Variants in PTPRG observed in about 807,000 individuals in gnomAD.
The protein encoded by PTPRG is receptor-type tyrosine-protein phosphatase gamma.
In PTPRG, 102 loss-of-function variants were observed where a neutral mutation model predicts 165.3. The ratio of observed to expected loss-of-function variants is 0.62; its 90% confidence interval spans 0.53 to 0.73. The LOEUF (loss-of-function observed/expected upper bound fraction) is 0.73, where lower values mean the gene tolerates loss of function less well. Among genes scored for constraint, PTPRG ranks in the 30% least tolerant of loss-of-function variants. PTPRG has a pLI of 0.00. For missense variants in PTPRG, 1,866 were observed against 1,861.4 expected, an observed-to-expected ratio of 1.00 and a Z score of -0.05; for synonymous variants, 675 against 669.5, an observed-to-expected ratio of 1.01 and a Z score of -0.13.
rs562925200 is a variant in PTPRG at position 62,147,206 on chromosome 3, C to T, written c.683-9861C>T. Among the ~76,000 whole-genome samples, 12 of 152,224 alleles carry T rather than the reference C, an allele frequency of 7.9e-5. No individual in the cohort carries two copies. In the East Asian group the frequency reaches 1.9e-3, roughly 24 times the overall value. Reference sequence around the variant, plus strand: ...CCAGTTTCTGAACCGTAAGTGTGAACTGGGAAAAGGAGGCAAACTGAAGCA... The same window carrying T: ...CCAGTTTCTGAACCGTAAGTGTGAATTGGGAAAAGGAGGCAAACTGAAGCA... On this transcript the variant is annotated intron_variant, in intron 6 of 29. Coordinates refer to ENST00000474889, the MANE Select transcript of PTPRG (RefSeq NM_002841.4).
intron 1 of PTPRG, among the ~76,000 whole-genome samples, chr3:61,707,466 TC>T (rs1163744147): frequency 6.6e-6 from 1 of 152,176 alleles, no homozygotes; most frequent in Non-Finnish European, 1.5e-5. Context: ...TGATTTTTTT[TC>T]TATTTCAGTC....
chr3:61,751,019 T>C (rs2033405466), intron 2 of PTPRG: 1 of 152,140 alleles, frequency 6.6e-6, no homozygotes, highest in Admixed American at 6.5e-5. Flanking sequence ...TTAGGCATAA[T>C]GGAAAAAATA....
At position 61,844,377 on chromosome 3, in the gene PTPRG, A is replaced by G. The variant is rs192358405; in HGVS notation, c.190+95395A>G. Among the ~76,000 whole-genome samples the G allele has an allele frequency of 2.0e-5, 3 of 152,348 alleles. No homozygotes were observed. The East Asian group carries it at 5.8e-4, about 29-fold the overall frequency. ...CCACTTAAATTTGAATTTTATCTGA[A>G]TTTGAGATAAATGACAAATAATTTT... is the stretch of plus-strand genomic sequence containing the variant. On this transcript the variant is annotated intron_variant, in intron 2 of 29. Transcript: ENST00000474889.
chr3:61,719,019 T>G (rs910895227), intron 1 of PTPRG, among the ~76,000 whole-genome samples: 96 of 152,138 alleles, frequency 6.3e-4, no homozygotes, highest in African/African-American at 2.3e-3. Flanking sequence ...ATACCAGCCA[T>G]CACCTGGCTC....
intron 1 of PTPRG, among the ~76,000 whole-genome samples, chr3:61,651,990 A>G (rs2106987040): frequency 6.6e-6 from 1 of 152,040 alleles, no homozygotes; most frequent in Non-Finnish European, 1.5e-5. Flanking sequence ...AGCCTGGGCT[A>G]CACAGCGAGA....
chr3:61,626,823 G>A (rs1701622316), intron 1 of PTPRG, among the ~76,000 whole-genome samples: 1 of 152,148 alleles, frequency 6.6e-6, no homozygotes, highest in South Asian at 2.1e-4. Flanking sequence ...GGCCACCTAG[G>A]ATATATTCTT....
chr3:62,216,824 C>T (rs867409032), intron 12 of PTPRG, among the ~76,000 whole-genome samples: 3 of 152,298 alleles, frequency 2.0e-5, no homozygotes, highest in Non-Finnish European at 4.4e-5. Context: ...GTCCTCCTCC[C>T]TCTCATTCTT....
chr3:62,098,957 A>G (rs1189295204), intron 5 of PTPRG, among the ~76,000 whole-genome samples: 1 of 152,226 alleles, frequency 6.6e-6, no homozygotes, highest in African/African-American at 2.4e-5. Flanking sequence ...CAAAAGGCAT[A>G]TCGTAGTGCC....
At chr3:62,076,117 G>GTA (rs992598839) in intron 4 of PTPRG, among the ~76,000 whole-genome samples, 6 of 151,694 alleles carry the variant, frequency 4.0e-5, no homozygotes, top group African/African-American at 9.7e-5. Flanking sequence ...CTCTAAAAAT[G>GTA]TATATATATA....
chr3:62,004,324 A>G (rs1239911478), intron 4 of PTPRG, among the ~76,000 whole-genome samples: 1 of 152,188 alleles, frequency 6.6e-6, no homozygotes, highest in East Asian at 1.9e-4. Flanking sequence ...CCTGCCCAAT[A>G]GTCCTATAGA....
In PTPRG at chr3:62,209,974, A is replaced by G. The variant is rs1013946920; in HGVS notation, c.2155+6024A>G. ...TCAGAACCACGTACTATTGCAACCA[A>G]CTGTCAGTGGTGGCCGTCTGATAGG... On this transcript the variant is annotated intron_variant, in intron 12 of 29. Coordinates refer to ENST00000474889, the MANE Select transcript of PTPRG (RefSeq NM_002841.4). 2.6e-5 allele frequency among the ~76,000 whole-genome samples: 4 copies of G among 152,302 alleles called. No individual in the cohort carries two copies. In the South Asian group the frequency reaches 6.2e-4, roughly 24 times the overall value.
chr3:62,035,180 T>C (rs999109068), intron 4 of PTPRG, among the ~76,000 whole-genome samples: 1 of 152,194 alleles, frequency 6.6e-6, no homozygotes, highest in Non-Finnish European at 1.5e-5. Flanking sequence ...GACTCTGAAT[T>C]TGGAGACCAT....
chr3:61,969,467 C>T (rs762515271), intron 2 of PTPRG, among the ~76,000 whole-genome samples: 13 of 152,050 alleles, frequency 8.5e-5, no homozygotes, highest in Non-Finnish European at 1.3e-4. Flanking sequence ...ACAGTAGTCC[C>T]GTACAGAATT....
At chr3:61,836,773 CTCTG>C (rs1326263726) in intron 2 of PTPRG, among the ~76,000 whole-genome samples, 3 of 151,960 alleles carry the variant, frequency 2.0e-5, no homozygotes, top group African/African-American at 7.3e-5. Flanking sequence ...CAGACGGAGT[CTCTG>C]TCTGTCACCC....
intron 2 of PTPRG, among the ~76,000 whole-genome samples, chr3:61,801,823 G>A (rs548379443): frequency 1.3e-5 from 2 of 152,190 alleles, no homozygotes; most frequent in South Asian, 4.1e-4. Flanking sequence ...TTTGAGACCC[G>A]CCTGGCCAAC....
chr3:61,900,037 TA>T (rs1161005036), intron 2 of PTPRG, among the ~76,000 whole-genome samples: 1 of 152,206 alleles, frequency 6.6e-6, no homozygotes, highest in Non-Finnish European at 1.5e-5. Context: ...GTCTGTTTTT[TA>T]AAAAATGTAA....
intron 4 of PTPRG, among the ~76,000 whole-genome samples, chr3:62,019,237 C>G (rs1373830123): frequency 6.6e-6 from 1 of 152,112 alleles, no homozygotes; most frequent in Non-Finnish European, 1.5e-5. Context: ...AAAACAATTC[C>G]TCAGGCCGGA....
chr3:61,621,603 GTTCT>G (rs1701460079), intron 1 of PTPRG, among the ~76,000 whole-genome samples: 1 of 150,418 alleles, frequency 6.6e-6, no homozygotes, highest in African/African-American at 2.5e-5. Context: ...CACTCTTTCT[GTTCT>G]TCCTTTATTC....
At chr3:61,572,417 G>C (rs375449032) in intron 1 of PTPRG, among the ~76,000 whole-genome samples, 10 of 152,292 alleles carry the variant, frequency 6.6e-5, no homozygotes, top group African/African-American at 2.2e-4. Context: ...GAGAAACGAA[G>C]CTCGTTCTGG....
Sources: allele counts gnomAD v4.1 joint callset (sites outside exome capture counted in the v4.1 genomes callset), GRCh38; gene constraint gnomAD v4.1.1; transcripts MANE v1.5; gene names NCBI Gene and HGNC (gene_info 2026-07-23, HGNC 2026-07-21).